RNF115: variants seen among roughly 807,000 people sequenced by gnomAD.
The protein encoded by RNF115 is E3 ubiquitin-protein ligase RNF115.
In RNF115, 31 loss-of-function variants were observed where a neutral mutation model predicts 39.2. The observed-to-expected ratio is 0.79, with a 90% confidence interval of 0.59 to 1.07. The LOEUF is 1.07. Ranked by LOEUF, RNF115 falls within the 50% of genes least tolerant of loss-of-function variation. RNF115 has a pLI of 0.00. For missense variants in RNF115, 384 were observed against 381.7 expected (o/e 1.01, Z -0.05); for synonymous variants, 124 against 131.0 (o/e 0.95, Z 0.37).
intron 3 of RNF115, among the ~76,000 whole-genome samples, chr1:145,778,829 G>T (rs746581922): frequency 6.6e-6 from 1 of 152,158 alleles, no homozygotes; most frequent in Non-Finnish European, 1.5e-5. Flanking sequence ...TAGTGATTTC[G>T]CATTTCTCCA....
At position 145,752,616 on chromosome 1, in the gene RNF115, T is replaced by A. The variant is rs1331731995; in HGVS notation, c.500+362A>T. On this transcript the variant is annotated intron_variant, in intron 5 of 8. Transcript: ENST00000582693. ...TTTTTTTTTTTTTTTTGAGACAGGG[T>A]CTCTTTCTGTCGCCCAAGCTGGAGT... Among the ~76,000 whole-genome samples, 8 of 93,530 alleles carry A rather than the reference T, an allele frequency of 8.6e-5. No individual in the cohort carries two copies. The Admixed American group carries it at 1.2e-3, about 14-fold the overall frequency. The allele number at this position is 93,530 out of a possible 152,430, so 61.4% of individuals were successfully genotyped here. A position where few individuals can be genotyped will look rare whatever the true frequency, so the allele number is the denominator to read the frequency against.
At position 145,784,553 on chromosome 1, in the gene RNF115, T is replaced by G; in HGVS notation, c.205A>C (p.Thr69Pro). The G allele has an allele frequency of 1.9e-6, 3 of 1,613,984 alleles. No homozygotes were observed. The highest frequency in any genetic ancestry group is 1.3e-5 in the African/African-American group (1 of 75,044). ...GGSRIDNTTT[T>P]HFAELWGHLD... ...GGAAAACTTACCTCTGCAAAATGTG[T>G]TGTTGTGGTATTGTCTATCCGACTG... The change falls in exon 3 of 9, where the codon ACA becomes CCA. Residue 69 changes from threonine (T) to proline (P), a missense_variant. Thr to Pro is a conservative substitution (Grantham distance 38, BLOSUM62 -1). Coordinates refer to ENST00000582693, the MANE Select transcript of RNF115 (RefSeq NM_014455.4).
At chr1:145,801,360 G>A (rs1649236583) in intron 1 of RNF115, among the ~76,000 whole-genome samples, 1 of 152,038 alleles carries the variant, frequency 6.6e-6, no homozygotes, top group Admixed American at 6.6e-5. Context: ...CTTGAGGCCA[G>A]GAGTTCGAGC....
intron 3 of RNF115, among the ~76,000 whole-genome samples, chr1:145,774,652 C>T (rs1490609348): frequency 1.3e-5 from 2 of 152,128 alleles, no homozygotes; most frequent in African/African-American, 2.4e-5. Context: ...CGCCCAGCCA[C>T]ATTTATTTCT....
chr1:145,819,288 A>C (rs1432423591), intron 1 of RNF115, among the ~76,000 whole-genome samples: 1 of 143,018 alleles, frequency 7.0e-6, no homozygotes, highest in African/African-American at 2.7e-5. Context: ...AAAAAAAAAA[A>C]AAAAAAAAAA....
intron 1 of RNF115, among the ~76,000 whole-genome samples, chr1:145,801,493 AG>A (rs1469142497): frequency 6.6e-6 from 1 of 152,166 alleles, no homozygotes; most frequent in Non-Finnish European, 1.5e-5. Context: ...TGAACCCAGG[AG>A]GCAGAGGTTG....
intron 3 of RNF115, among the ~76,000 whole-genome samples, chr1:145,777,771 C>T (rs1236856184): frequency 1.3e-5 from 2 of 152,172 alleles, no homozygotes; most frequent in Non-Finnish European, 1.5e-5. Context: ...GAAAACATTA[C>T]TCTGAATGTA....
chr1:145,780,174 G>T (rs1379945614), intron 3 of RNF115, among the ~76,000 whole-genome samples: 1 of 152,046 alleles, frequency 6.6e-6, no homozygotes, highest in Non-Finnish European at 1.5e-5. Context: ...GTTGCAGTAA[G>T]CCGAGATCGT....
At position 145,745,993 on chromosome 1, in the gene RNF115, G is replaced by C. The variant is rs587595666; in HGVS notation, c.*873C>G. The C allele has an allele frequency of 6.6e-6, 1 of 151,682 alleles. No homozygotes were observed. Among genetic ancestry groups the C allele is most frequent in the Admixed American group, 6.6e-5 (1 of 15,244 alleles). 9.4% of individuals were successfully genotyped at this position (151,682 alleles called of 1,614,324 possible). A position where few individuals can be genotyped will look rare whatever the true frequency, so the allele number is the denominator to read the frequency against. On this transcript the variant is annotated 3_prime_UTR_variant, in exon 9 of 9. Coordinates refer to ENST00000582693, the MANE Select transcript of RNF115 (RefSeq NM_014455.4). ...TGTAATCCCAGCACTTTGGGAGGCT[G>C]AGGCAGGCGGAGCACAAGGTCAGGA...
chr1:145,806,991 C>T (rs1167447146), intron 1 of RNF115, among the ~76,000 whole-genome samples: 2 of 152,214 alleles, frequency 1.3e-5, no homozygotes, highest in African/African-American at 2.4e-5. Context: ...TTAAGTTACC[C>T]AGCTTCAGTT....
At position 145,823,954 on chromosome 1, in the gene RNF115, G is replaced by A. The variant is rs1385639346; in HGVS notation, c.-81C>T. ...CGCTACCTCCCGAGCTGCAGTCGTC[G>A]CCGCCGCCGCCGCCTCGGTGCGGCC... On this transcript the variant is annotated 5_prime_UTR_variant, in exon 1 of 9. Coordinates refer to ENST00000582693, the MANE Select transcript of RNF115 (RefSeq NM_014455.4). The A allele has an allele frequency of 8.6e-6, 8 of 933,066 alleles. No individual in the cohort carries two copies. The highest frequency in any genetic ancestry group is 2.2e-5 in the South Asian group (1 of 45,704). 57.8% of individuals were successfully genotyped at this position (933,066 alleles called of 1,614,324 possible). A position where few individuals can be genotyped will look rare whatever the true frequency, so the allele number is the denominator to read the frequency against.
At chr1:145,781,220 ACAGT>A in intron 3 of RNF115, among the ~76,000 whole-genome samples, 1 of 152,176 alleles carries the variant, frequency 6.6e-6, no homozygotes, top group Non-Finnish European at 1.5e-5. Context: ...TCTAATATAG[ACAGT>A]ATTTTAAGAA....
chr1:145,801,891 G>T (rs10797655), intron 1 of RNF115, among the ~76,000 whole-genome samples: 3 of 151,864 alleles, frequency 2.0e-5, no homozygotes, highest in African/African-American at 7.3e-5. Context: ...AGGCTCCAGA[G>T]ATTCTCCCAC....
At chr1:145,766,610 G>A (rs1553714883) in intron 4 of RNF115, among the ~76,000 whole-genome samples, 3 of 151,086 alleles carry the variant, frequency 2.0e-5, no homozygotes, top group South Asian at 2.1e-4. Context: ...CGGGGCGGCT[G>A]GCCGGGCGGG....
At chr1:145,782,259 C>T (rs913671249) in intron 3 of RNF115, among the ~76,000 whole-genome samples, 4 of 152,142 alleles carry the variant, frequency 2.6e-5, no homozygotes, top group Non-Finnish European at 5.9e-5. Context: ...AAGTTCCTTT[C>T]AGGCAAGGCA....
intron 1 of RNF115, among the ~76,000 whole-genome samples, chr1:145,795,172 T>C (rs1204378659): frequency 6.6e-6 from 1 of 151,816 alleles, no homozygotes; most frequent in Non-Finnish European, 1.5e-5. Context: ...GCTCTTAAAG[T>C]TGGCACGTCC....
intron 3 of RNF115, among the ~76,000 whole-genome samples, chr1:145,776,097 G>GGA (rs1553716502): frequency 6.7e-6 from 1 of 149,250 alleles, no homozygotes; most frequent in Non-Finnish European, 1.5e-5. Context: ...GTAAGGGGGG[G>GGA]GCTACTGTAC....
intron 1 of RNF115, among the ~76,000 whole-genome samples, chr1:145,789,231 T>G (rs1247709193): frequency 6.6e-6 from 1 of 151,952 alleles, no homozygotes; most frequent in Non-Finnish European, 1.5e-5. Flanking sequence ...GCCTTCAGAG[T>G]AGCTAGGACC....
chr1:145,770,981 T>C (rs1179433678), intron 4 of RNF115, among the ~76,000 whole-genome samples: 2 of 152,224 alleles, frequency 1.3e-5, no homozygotes, highest in African/African-American at 4.8e-5. Context: ...AAAAAGCAGA[T>C]ACTTGATTAA....
Sources: allele counts gnomAD v4.1 joint callset (sites outside exome capture counted in the v4.1 genomes callset), GRCh38; gene constraint gnomAD v4.1.1; transcripts MANE v1.5; gene names NCBI Gene and HGNC (gene_info 2026-07-23, HGNC 2026-07-21).